NRXN3: variants seen among roughly 807,000 people sequenced by gnomAD.
The protein encoded by NRXN3 is neurexin 3.
In NRXN3, 32 loss-of-function variants were observed where a neutral mutation model predicts 137.6. The ratio of observed to expected loss-of-function variants is 0.23; its 90% CI spans 0.18 to 0.31. The LOEUF is 0.31. Among genes scored for constraint, NRXN3 ranks in the 10% least tolerant of loss-of-function variants. The probability of loss-of-function intolerance (pLI) is 1.00; values close to 1 mark genes in which losing one functional copy is unlikely to be tolerated. For synonymous variants in NRXN3, 798 were observed against 784.5 expected, an observed-to-expected ratio of 1.02 and a Z score of -0.29; for missense variants, 1,574 against 2,062.5, an observed-to-expected ratio of 0.76 and a Z score of 4.59.
chr14:78,675,024 G>T (rs1168242768), intron 6 of NRXN3, among the ~76,000 whole-genome samples: 1 of 152,154 alleles, frequency 6.6e-6, no homozygotes, highest in Non-Finnish European at 1.5e-5. Flanking sequence ...TCAGTGTAGG[G>T]TGATAAAGAA....
At chr14:79,174,954 T>C (rs2062158653) in intron 15 of NRXN3, among the ~76,000 whole-genome samples, 1 of 148,230 alleles carries the variant, frequency 6.7e-6, no homozygotes, top group African/African-American at 2.5e-5. Flanking sequence ...TGTACACAAG[T>C]AAAATAACTT....
At chr14:79,851,791 G>C (rs928531301) in intron 20 of NRXN3, among the ~76,000 whole-genome samples, 1 of 152,118 alleles carries the variant, frequency 6.6e-6, no homozygotes, top group South Asian at 2.1e-4. Flanking sequence ...TTCTTCTACA[G>C]TATCTTCCTC....
At chr14:79,039,847 A>C (rs550960416) in intron 15 of NRXN3, among the ~76,000 whole-genome samples, 1 of 152,118 alleles carries the variant, frequency 6.6e-6, no homozygotes, top group Non-Finnish European at 1.5e-5. Flanking sequence ...GCATGCCACC[A>C]TATCTGGCTA....
chr14:79,295,329 G>A (rs193051621), intron 15 of NRXN3, among the ~76,000 whole-genome samples: 1 of 151,966 alleles, frequency 6.6e-6, no homozygotes, highest in East Asian at 1.9e-4. Flanking sequence ...CCCCTCAAGA[G>A]CCCTTCCTTA....
At chr14:79,543,339 G>A (rs565442796) in intron 16 of NRXN3, among the ~76,000 whole-genome samples, 1 of 152,328 alleles carries the variant, frequency 6.6e-6, no homozygotes, top group African/African-American at 2.4e-5. Flanking sequence ...ATTGCACACA[G>A]TGTCTTCTAC....
chr14:79,440,727 G>A (rs935900739), intron 15 of NRXN3, among the ~76,000 whole-genome samples: 1 of 152,118 alleles, frequency 6.6e-6, no homozygotes, highest in Non-Finnish European at 1.5e-5. Context: ...TTTTAAAAAC[G>A]ACCACACTTT....
chr14:78,727,025 A>G (rs2098488197), intron 8 of NRXN3, among the ~76,000 whole-genome samples: 2 of 151,158 alleles, frequency 1.3e-5, no homozygotes, highest in African/African-American at 4.8e-5. Flanking sequence ...GATGTCCAGA[A>G]CAGGTCAAGC....
At chr14:79,390,543 T>C (rs1392232571) in intron 15 of NRXN3, among the ~76,000 whole-genome samples, 4 of 152,264 alleles carry the variant, frequency 2.6e-5, no homozygotes, top group Admixed American at 1.3e-4. Context: ...CACTCAAGAC[T>C]GGGAGATTCT....
chr14:78,369,933 A>T lies in NRXN3; in HGVS notation c.757+72073A>T, dbSNP rs1324330908. On this transcript the variant is annotated intron_variant, in intron 4 of 20. Coordinates refer to ENST00000335750, the MANE Select transcript of NRXN3 (RefSeq NM_001330195.2). ...TCTATATACTCATTAGCCTGGTTAA[A>T]AAAAAAAAAAAAAAAAAGATTAACC... Among the ~76,000 whole-genome samples the T allele has an allele frequency of 1.7e-3, 3 of 1,786 alleles. No homozygotes were observed. The Non-Finnish European group carries it at 0.033, about 19-fold the overall frequency. The allele number at this position is 1,786 out of a possible 152,430, so 1.2% of individuals were successfully genotyped here.
rs1037057101 is a variant in NRXN3, at chr14:78,954,546, C to T, written c.2276-2696C>T. On this transcript the variant is annotated intron_variant, in intron 10 of 20. Coordinates refer to ENST00000335750, the MANE Select transcript of NRXN3 (RefSeq NM_001330195.2). ...GTGGCGCAATCTCAGCTCACTGCAA[C>T]CTCTGCCTCCCTGGTTCACTCCATT... Among the ~76,000 whole-genome samples the T allele has an allele frequency of 5.3e-5, 8 of 152,034 alleles. No homozygotes were observed. In the East Asian group the frequency reaches 1.5e-3, roughly 29 times the overall value.
chr14:78,975,927 G>A (rs1332718423), intron 14 of NRXN3, among the ~76,000 whole-genome samples: 1 of 152,164 alleles, frequency 6.6e-6, no homozygotes, highest in Non-Finnish European at 1.5e-5. Context: ...CAGGAGACAG[G>A]AGCTCTCCAC....
chr14:79,324,135 C>T (rs2090502747), intron 15 of NRXN3, among the ~76,000 whole-genome samples: 1 of 152,110 alleles, frequency 6.6e-6, no homozygotes, highest in Non-Finnish European at 1.5e-5. Context: ...TTCACTTTTG[C>T]CCAGAAATAA....
intron 15 of NRXN3, among the ~76,000 whole-genome samples, chr14:79,262,549 AGAGGAG>A (rs372137283): frequency 1.3e-5 from 2 of 151,064 alleles, no homozygotes; most frequent in Non-Finnish European, 3.0e-5. Context: ...AAGGAAGGAG[AGAGGAG>A]GAGGAGGAGG....
chr14:78,316,259 G>A (rs2078698559), intron 4 of NRXN3, among the ~76,000 whole-genome samples: 1 of 152,026 alleles, frequency 6.6e-6, no homozygotes, highest in Non-Finnish European at 1.5e-5. Context: ...TTTAAATATG[G>A]TGACAGGAGG....
intron 9 of NRXN3, among the ~76,000 whole-genome samples, chr14:78,809,011 T>C (rs1364920894): frequency 6.6e-6 from 1 of 152,142 alleles, no homozygotes; most frequent in African/African-American, 2.4e-5. Context: ...CAAATCCTTA[T>C]TGGAATTTCC....
rs1309287489 is a variant in NRXN3 at position 78,373,757 on chromosome 14, C to T, written c.757+75897C>T. ...CATCTGCAAGGGAGATGGAGCCCTC[C>T]TGAATTCCTGGCAGAGCTATTGAGA... On this transcript the variant is annotated intron_variant, in intron 4 of 20. Coordinates refer to ENST00000335750, the MANE Select transcript of NRXN3 (RefSeq NM_001330195.2). 2.0e-5 allele frequency among the ~76,000 whole-genome samples: 3 copies of T among 152,096 alleles called. No individual in the cohort carries two copies. In the East Asian group the frequency reaches 5.8e-4, roughly 29 times the overall value.
chr14:78,432,758 A>G (rs1027283069), intron 4 of NRXN3, among the ~76,000 whole-genome samples: 1 of 152,192 alleles, frequency 6.6e-6, no homozygotes, highest in African/African-American at 2.4e-5. Context: ...TATACCTGAC[A>G]GACTGGTATA....
chr14:78,362,321 G>C (rs1189640143), intron 4 of NRXN3, among the ~76,000 whole-genome samples: 6 of 151,028 alleles, frequency 4.0e-5, no homozygotes, highest in Non-Finnish European at 5.9e-5. Context: ...TTTTCAACTG[G>C]GGTTAGGTTT....
chr14:79,494,985 A>G (rs981170729), intron 16 of NRXN3, among the ~76,000 whole-genome samples: 13 of 152,362 alleles, frequency 8.5e-5, no homozygotes, highest in African/African-American at 2.9e-4. Flanking sequence ...TATATTTGTC[A>G]GATCAATACC....
Sources: allele counts gnomAD v4.1 joint callset (sites outside exome capture counted in the v4.1 genomes callset), GRCh38; gene constraint gnomAD v4.1.1; transcripts MANE v1.5; gene names NCBI Gene and HGNC (gene_info 2026-07-23, HGNC 2026-07-21).